The following HP1BP3 variants were observed in gnomAD, a reference collection of about 807,000 sequenced individuals.
HP1BP3 encodes heterochromatin protein 1 binding protein 3, also known as heterochromatin protein 1-binding protein 3.
A neutral mutation model predicts 62.5 loss-of-function variants in HP1BP3; 12 were observed. That is an observed-to-expected ratio of 0.19 (90% CI 0.12 to 0.31). The LOEUF is 0.31. Ranked by LOEUF, HP1BP3 falls within the 10% of genes least tolerant of loss-of-function variation. The probability of loss-of-function intolerance (pLI) is 1.00; values close to 1 mark genes in which losing one functional copy is unlikely to be tolerated. For synonymous variants in HP1BP3, 260 were observed against 237.8 expected, an observed-to-expected ratio of 1.09 and a Z score of -0.86; for missense variants, 502 against 651.8, an observed-to-expected ratio of 0.77 and a Z score of 2.50.
chr1:20,762,479 A>C (rs1408524540), intron 8 of HP1BP3, among the ~76,000 whole-genome samples: 1 of 152,210 alleles, frequency 6.6e-6, no homozygotes, highest in South Asian at 2.1e-4. Flanking sequence ...AAAAGAAAAT[A>C]AATCTTGGGA....
chr1:20,746,181 C>CAT (rs199691505), intron 11 of HP1BP3, among the ~76,000 whole-genome samples: 6,987 of 94,118 alleles, frequency 0.074, 298 homozygotes, highest in East Asian at 0.28. Flanking sequence ...AACATACATA[C>CAT]ATATATGTGT....
At chr1:20,763,866 T>C (rs569286603) in intron 8 of HP1BP3, among the ~76,000 whole-genome samples, 1 of 152,338 alleles carries the variant, frequency 6.6e-6, no homozygotes, top group East Asian at 1.9e-4. Context: ...GAAATATATA[T>C]ATGATGTATA....
At chr1:20,749,245 T>C (rs756182242) in intron 10 of HP1BP3, among the ~76,000 whole-genome samples, 15 of 152,168 alleles carry the variant, frequency 9.9e-5, no homozygotes, top group Non-Finnish European at 2.1e-4. Context: ...TTTGATTATT[T>C]GTTTTTCTTT....
At chr1:20,785,596 T>C (rs951568580) in intron 1 of HP1BP3, among the ~76,000 whole-genome samples, 5 of 152,212 alleles carry the variant, frequency 3.3e-5, no homozygotes, top group Non-Finnish European at 5.9e-5. Context: ...CAGTGTCTGT[T>C]TTGGGCATAG....
chr1:20,747,851 TATAC>T (rs905116760), intron 10 of HP1BP3, among the ~76,000 whole-genome samples, 196 bp from the exon 11 acceptor site: 5 of 152,336 alleles, frequency 3.3e-5, no homozygotes, highest in African/African-American at 4.8e-5. Flanking sequence ...AGTTAAATTA[TATAC>T]ATACATACAT....
At chr1:20,747,097 A>G (rs2055386944) in intron 11 of HP1BP3, among the ~76,000 whole-genome samples, 1 of 152,198 alleles carries the variant, frequency 6.6e-6, no homozygotes, top group Non-Finnish European at 1.5e-5. Context: ...TGAACATCAA[A>G]ATGACCATCC....
rs571816440 is a variant in HP1BP3, at chr1:20,776,440, C to T, written c.350+157G>A. ...CAGCATATTCTAACAGGTCAAACAA[C>T]TATATAATAAACCTATTTCAAATGG... On this transcript the variant is annotated intron_variant, in intron 4 of 12. Transcript: ENST00000438032. 3 of 647,408 alleles carry T rather than the reference C, an allele frequency of 4.6e-6. No homozygotes were observed. In the East Asian group the frequency reaches 8.5e-5, roughly 18 times the overall value. The allele number at this position is 647,408 out of a possible 1,614,324, so 40.1% of individuals were successfully genotyped here.
chr1:20,773,682 A>T, intron 4 of HP1BP3, 72 bp from the exon 5 acceptor site: 1 of 1,031,624 alleles, frequency 9.7e-7, no homozygotes, highest in African/African-American at 1.6e-5. Context: ...AAGGAGGAAA[A>T]GACCAGGGAG....
intron 1 of HP1BP3, among the ~76,000 whole-genome samples, chr1:20,784,358 T>C (rs2057716458): frequency 6.6e-6 from 1 of 152,210 alleles, no homozygotes; most frequent in South Asian, 2.1e-4. Context: ...AGGGATCTTA[T>C]CTACCTGGTT....
intron 8 of HP1BP3, among the ~76,000 whole-genome samples, chr1:20,757,663 G>A (rs866367601): frequency 2.0e-5 from 3 of 151,968 alleles, no homozygotes; most frequent in East Asian, 1.9e-4. Flanking sequence ...GAGGCACCAC[G>A]CCTGGCTGAA....
In HP1BP3 at chr1:20,744,580, T is replaced by C. The variant is rs544716035; in HGVS notation, c.*217A>G. The C allele has an allele frequency of 1.3e-4, 68 of 538,722 alleles. No individual in the cohort carries two copies. Among genetic ancestry groups the C allele is most frequent in the Non-Finnish European group, 1.8e-4 (56 of 306,744 alleles). 33.4% of individuals were successfully genotyped at this position (538,722 alleles called of 1,614,324 possible). A position where few individuals can be genotyped will look rare whatever the true frequency, so the allele number is the denominator to read the frequency against. ...CATAGTTTAGGAAAGTCCAGGATTA[T>C]TGCAGAAATTAAAATGAACAAGGAA... On this transcript the variant is annotated 3_prime_UTR_variant, in exon 13 of 13. Transcript: ENST00000438032.
Position 20,744,710 on chromosome 1 carries a change from G to T in HP1BP3, c.*87C>A. ...ATAGGGGAGGAAAATAATGTAATTTGAAAAGCATCAAAACTAAACAAATGC... is the reference window on the plus strand; with the variant it reads ...ATAGGGGAGGAAAATAATGTAATTTTAAAAGCATCAAAACTAAACAAATGC... On this transcript the variant is annotated 3_prime_UTR_variant, in exon 13 of 13. Coordinates refer to ENST00000438032, the MANE Select transcript of HP1BP3 (RefSeq NM_001372052.1). The T allele has an allele frequency of 8.1e-7, 1 of 1,234,442 alleles. No individual in the cohort carries two copies. The highest frequency in any genetic ancestry group is 1.1e-6 in the Non-Finnish European group (1 of 888,618). 76.5% of individuals were successfully genotyped at this position (1,234,442 alleles called of 1,614,324 possible). A position where few individuals can be genotyped will look rare whatever the true frequency, so the allele number is the denominator to read the frequency against.
chr1:20,758,786 C>T (rs548907140), intron 8 of HP1BP3, among the ~76,000 whole-genome samples: 1 of 151,910 alleles, frequency 6.6e-6, no homozygotes, highest in South Asian at 2.1e-4. Context: ...GTAGTTGGGA[C>T]TATAGGCACA....
intron 1 of HP1BP3, among the ~76,000 whole-genome samples, chr1:20,784,380 T>C (rs1216637864): frequency 1.3e-5 from 2 of 152,114 alleles, no homozygotes; most frequent in African/African-American, 4.8e-5. Flanking sequence ...ATTTGCTGCA[T>C]ACCTGATGCC....
intron 7 of HP1BP3, among the ~76,000 whole-genome samples, chr1:20,765,890 G>A (rs1284606801): frequency 2.0e-5 from 3 of 151,862 alleles, no homozygotes; most frequent in African/African-American, 4.8e-5. Flanking sequence ...GCTTGAACCC[G>A]GGAGGTGGAG....
intron 3 of HP1BP3, among the ~76,000 whole-genome samples, chr1:20,778,978 T>C (rs2057423648): frequency 6.6e-6 from 1 of 151,976 alleles, no homozygotes; most frequent in Admixed American, 6.6e-5. Flanking sequence ...TTAGTAGAGA[T>C]GGGGTTTCAC....
rs375630154 is a variant in HP1BP3 at position 20,773,490 on chromosome 1, T to A, written c.471A>T (p.Pro157=). 50 of 1,613,142 alleles carry A rather than the reference T, an allele frequency of 3.1e-5. No homozygotes were observed. Among genetic ancestry groups the A allele is most frequent in the Non-Finnish European group, 3.4e-5 (40 of 1,179,536 alleles). The change falls in exon 5 of 13, where the codon CCA becomes CCT. Residue 157 remains proline, a synonymous_variant. Coordinates refer to ENST00000438032, the MANE Select transcript of HP1BP3 (RefSeq NM_001372052.1). The stretch of plus-strand genomic sequence containing the variant: ...TTAAGATTGCATCCATCTTGGGACG[T>A]GGGGAAGAAGCCATCGGTGTTTGTT... ...AQKQTPMASS[P]RPKMDAILTE...
At chr1:20,752,081 G>A (rs1399965192) in intron 9 of HP1BP3, among the ~76,000 whole-genome samples, 2 of 151,946 alleles carry the variant, frequency 1.3e-5, no homozygotes, top group Non-Finnish European at 2.9e-5. Flanking sequence ...CCAACATGGT[G>A]AAACCCCATC....
chr1:20,780,182 G>T (rs1360700054), intron 2 of HP1BP3, among the ~76,000 whole-genome samples, 163 bp downstream of exon 2: 3 of 152,124 alleles, frequency 2.0e-5, no homozygotes, highest in Non-Finnish European at 2.9e-5. Context: ...GTTTTCTCAG[G>T]AATTTGAGGG....
Sources: allele counts gnomAD v4.1 joint callset (sites outside exome capture counted in the v4.1 genomes callset), GRCh38; gene constraint gnomAD v4.1.1; transcripts MANE v1.5; gene names NCBI Gene and HGNC (gene_info 2026-07-23, HGNC 2026-07-21).